Variants in TIFAB observed in about 807,000 individuals in gnomAD.
TIFAB encodes the protein TRAF-interacting protein with FHA domain-containing protein B.
For missense variants in TIFAB, 222 were observed against 203.6 expected (o/e 1.09, Z -0.55); for synonymous variants, 116 against 95.2 (o/e 1.22, Z -1.27).
At position 135,446,578 on chromosome 5, in the gene TIFAB, T is replaced by C; in HGVS notation, c.*2876A>G. 6.2e-7 allele frequency: 1 copy of C among 1,613,954 alleles called. No homozygotes were observed. The highest frequency in any genetic ancestry group is 1.1e-5 in the South Asian group (1 of 91,076). On this transcript the variant is annotated 3_prime_UTR_variant, in exon 2 of 2. Coordinates refer to ENST00000537858, the MANE Select transcript of TIFAB (RefSeq NM_001099221.2). ...GGTGCCATGGATCTGATGATTTCAG[T>C]GATTTTCTACTCAAGAAAAATGAAG...
intron 1 of TIFAB, 100 bp from the exon 2 acceptor site, chr5:135,450,049 C>T (rs1173747055): frequency 6.9e-6 from 10 of 1,448,134 alleles, no homozygotes; most frequent in Non-Finnish European, 9.3e-6. Flanking sequence ...GGCCCTGTGC[C>T]TGTTCATACA....
At position 135,446,720 on chromosome 5, in the gene TIFAB, T is replaced by C. The variant is rs910560194; in HGVS notation, c.*2734A>G. 1 of 1,613,918 alleles carries C rather than the reference T, an allele frequency of 6.2e-7. No individual in the cohort carries two copies. The highest frequency in any genetic ancestry group is 1.7e-5 in the Admixed American group (1 of 60,026). ...GAGTCTGAAACTACAAACCAGATGT[T>C]TCCGGGCTCCCTCCCGCCTGGTCTG... On this transcript the variant is annotated 3_prime_UTR_variant, in exon 2 of 2. Transcript: ENST00000537858.
chr5:135,450,179 T>C (rs1345048407), intron 1 of TIFAB, among the ~76,000 whole-genome samples: 1 of 152,248 alleles, frequency 6.6e-6, no homozygotes, highest in African/African-American at 2.4e-5. Flanking sequence ...TTTGGATTTC[T>C]GTAGTATAGA....
At chr5:135,450,069 C>A (rs996491190) in intron 1 of TIFAB, 120 bp from the exon 2 acceptor site, 20 of 1,352,356 alleles carry the variant, frequency 1.5e-5, no homozygotes, top group Non-Finnish European at 1.9e-5. Flanking sequence ...AATCACTCTG[C>A]CCAAGCCAGG....
At chr5:135,450,085 G>A in intron 1 of TIFAB, 136 bp from the exon 2 acceptor site, 1 of 1,202,694 alleles carries the variant, frequency 8.3e-7, no homozygotes, top group Non-Finnish European at 1.1e-6. Context: ...CCAGGATGGA[G>A]CCAAGGCTGG....
Position 135,449,766 on chromosome 5 carries a change from C to A in TIFAB, c.174G>T (p.Leu58=). The A allele has an allele frequency of 6.2e-7, 1 of 1,613,058 alleles. No individual in the cohort carries two copies. The highest frequency in any genetic ancestry group is 8.5e-7 in the Non-Finnish European group (1 of 1,179,164). ...CTTTCTCCAGGTAGGGCTCCAGGGA[C>A]AGGTGACGGCGGGAGAGGCGAGGGA... ...LQLPRLSRRH[L]SLEPYLEKGS... is the part of the protein sequence containing the mutation. The change falls in exon 2 of 2, where the codon CTG becomes CTT. Residue 58 remains leucine (L), a synonymous_variant. Transcript: ENST00000537858.
At position 135,449,888 on chromosome 5, in the gene TIFAB, C is replaced by T; in HGVS notation, c.52G>A (p.Gly18Ser). The T allele has an allele frequency of 1.3e-6, 2 of 1,567,428 alleles. No individual in the cohort carries two copies. Among genetic ancestry groups the T allele is most frequent in the Non-Finnish European group, 1.7e-6 (2 of 1,154,476 alleles). ...LRVSLYHPTL[G>S]PSAFANVPPR... is the part of the protein sequence containing the mutation. The stretch of plus-strand genomic sequence containing the variant: ...GGGACATTGGCAAAGGCAGATGGGC[C>T]CAGCGTGGGATGGTACAGGCTCACT... Residue 18 changes from glycine (G) to serine (S), a missense_variant, in exon 2 of 2, where the codon GGC (glycine) becomes AGC (serine). Physicochemically the swap from Gly to Ser is moderately conservative, Grantham distance 56. Transcript: ENST00000537858.
At position 135,446,572 on chromosome 5, in the gene TIFAB, T is replaced by G. The variant is rs1212224147; in HGVS notation, c.*2882A>C. The G allele has an allele frequency of 3.7e-6, 6 of 1,613,876 alleles. No homozygotes were observed. The highest frequency in any genetic ancestry group is 5.1e-6 in the Non-Finnish European group (6 of 1,179,900). On this transcript the variant is annotated 3_prime_UTR_variant, in exon 2 of 2. Coordinates refer to ENST00000537858, the MANE Select transcript of TIFAB (RefSeq NM_001099221.2). ...AAGGTGGGTGCCATGGATCTGATGA[T>G]TTCAGTGATTTTCTACTCAAGAAAA...
chr5:135,450,105 G>A (rs1176598682), intron 1 of TIFAB, among the ~76,000 whole-genome samples, 156 bp from the exon 2 acceptor site: 1 of 152,234 alleles, frequency 6.6e-6, no homozygotes, highest in Admixed American at 6.5e-5. Flanking sequence ...GAATTGGTGT[G>A]GAAGGTCATG....
rs1769314024 is a variant in TIFAB at position 135,448,695 on chromosome 5, C to T, written c.*759G>A. ...ATTTCCAGGCAGGCCCAGCTCCCAGCTCCCATCCTCAGGAAACCCTGAGCC... is the reference window on the plus strand; with the variant it reads ...ATTTCCAGGCAGGCCCAGCTCCCAGTTCCCATCCTCAGGAAACCCTGAGCC... On this transcript the variant is annotated 3_prime_UTR_variant, in exon 2 of 2. Coordinates refer to ENST00000537858, the MANE Select transcript of TIFAB (RefSeq NM_001099221.2). 6.6e-6 allele frequency: 1 copy of T among 152,198 alleles called. No individual in the cohort carries two copies. The highest frequency in any genetic ancestry group is 1.5e-5 in the Non-Finnish European group (1 of 68,070). The allele number at this position is 152,198 out of a possible 1,614,324, so 9.4% of individuals were successfully genotyped here.
Position 135,446,129 on chromosome 5 carries a change from A to G in TIFAB, c.*3325T>C. On this transcript the variant is annotated 3_prime_UTR_variant, in exon 2 of 2. Transcript: ENST00000537858. Reference sequence around the variant, plus strand: ...TGTGATGCCTCAAACTGACCTTCACAATGACTCTAAGGAGGTAAGTACTGT... The same window carrying G: ...TGTGATGCCTCAAACTGACCTTCACGATGACTCTAAGGAGGTAAGTACTGT... The G allele has an allele frequency of 2.5e-6, 1 of 395,030 alleles. No homozygotes were observed. The highest frequency in any genetic ancestry group is 4.5e-5 in the East Asian group (1 of 22,154). 24.5% of individuals were successfully genotyped at this position (395,030 alleles called of 1,614,324 possible). A position where few individuals can be genotyped will look rare whatever the true frequency, so the allele number is the denominator to read the frequency against.
At chr5:135,451,967 C>G (rs1286651830) in intron 1 of TIFAB, among the ~76,000 whole-genome samples, 1 of 152,256 alleles carries the variant, frequency 6.6e-6, no homozygotes, top group Non-Finnish European at 1.5e-5. Flanking sequence ...GCCTTACTCT[C>G]TGCTCCAACC....
At position 135,446,691 on chromosome 5, in the gene TIFAB, G is replaced by T; in HGVS notation, c.*2763C>A. 2 of 1,613,840 alleles carry T rather than the reference G, an allele frequency of 1.2e-6. No homozygotes were observed. Among genetic ancestry groups the T allele is most frequent in the Non-Finnish European group, 1.7e-6 (2 of 1,179,740 alleles). On this transcript the variant is annotated 3_prime_UTR_variant, in exon 2 of 2. Coordinates refer to ENST00000537858, the MANE Select transcript of TIFAB (RefSeq NM_001099221.2). ...GGTGAGACTGTGTGAACTGTGAACGGGTAGAGTCTGAAACTACAAACCAGA... is the reference window on the plus strand; with the variant it reads ...GGTGAGACTGTGTGAACTGTGAACGTGTAGAGTCTGAAACTACAAACCAGA...
Position 135,449,337 on chromosome 5 carries a change from C to T in TIFAB, c.*117G>A, listed in dbSNP as rs1174548961. ...CTCTAGTGGCAGGGCTAGCAGAGTG[C>T]ACTGTCTGGGGGTTCCCTCTGGAGC... is the stretch of plus-strand genomic sequence containing the variant. On this transcript the variant is annotated 3_prime_UTR_variant, in exon 2 of 2. Transcript: ENST00000537858. The T allele has an allele frequency of 2.0e-5, 28 of 1,396,486 alleles. 1 individual carries two copies. The South Asian group carries it at 3.2e-4, about 16-fold the overall frequency. 86.5% of individuals were successfully genotyped at this position (1,396,486 alleles called of 1,614,324 possible).
In TIFAB at chr5:135,449,838, G is replaced by T; in HGVS notation, c.102C>A (p.Ser34Arg). The T allele has an allele frequency of 1.2e-6, 2 of 1,604,460 alleles. No homozygotes were observed. The highest frequency in any genetic ancestry group is 8.5e-7 in the Non-Finnish European group (1 of 1,173,620). Residue 34 changes from serine to arginine, a missense_variant, in exon 2 of 2, where the codon AGC (serine) becomes AGA (arginine). Physicochemically the swap from Ser to Arg is moderately radical, Grantham distance 110. Transcript: ENST00000537858. ...CCTGCCCCCGTCCGAGAAGCAGAGGGCTGGTATCATGCTGCAGCCGTGGTG... is the reference window on the plus strand; with the variant it reads ...CCTGCCCCCGTCCGAGAAGCAGAGGTCTGGTATCATGCTGCAGCCGTGGTG... Reference protein sequence around the residue: ...NVPPRLQHDTSPLLLGRGQDA... With the variant: ...NVPPRLQHDTRPLLLGRGQDA...
chr5:135,450,702 C>T (rs184718534), intron 1 of TIFAB: 115 of 152,418 alleles, frequency 7.5e-4, no homozygotes, highest in Middle Eastern at 3.4e-3. Flanking sequence ...GACCTGCCAT[C>T]ATCTTCAACA....
In TIFAB at chr5:135,446,331, T is replaced by G. The variant is rs1175168650; in HGVS notation, c.*3123A>C. 6.4e-7 allele frequency: 1 copy of G among 1,552,692 alleles called. No homozygotes were observed. The highest frequency in any genetic ancestry group is 1.3e-5 in the South Asian group (1 of 79,910). On this transcript the variant is annotated 3_prime_UTR_variant, in exon 2 of 2. Coordinates refer to ENST00000537858, the MANE Select transcript of TIFAB (RefSeq NM_001099221.2). ...ATGTGCACTGTATGTTCGTGTTTAG[T>G]GTATGTCTGTGCATACTTGCGTGTG...
rs531353573 is a variant in TIFAB, at chr5:135,446,821, G to A, written c.*2633C>T. The stretch of plus-strand genomic sequence containing the variant: ...TCGCAGATGCTTCACTCGAAAGATT[G>A]GAGTTGCAGAGTCCCCTGTGGAGGA... On this transcript the variant is annotated 3_prime_UTR_variant, in exon 2 of 2. Transcript: ENST00000537858. 17 of 1,613,798 alleles carry A rather than the reference G, an allele frequency of 1.1e-5. No individual in the cohort carries two copies. The highest frequency in any genetic ancestry group is 1.4e-5 in the Non-Finnish European group (17 of 1,179,836).
rs1353475672 is a variant in TIFAB, at chr5:135,446,956, A to T, written c.*2498T>A. 1.9e-6 allele frequency: 3 copies of T among 1,612,928 alleles called. No homozygotes were observed. The highest frequency in any genetic ancestry group is 2.5e-6 in the Non-Finnish European group (3 of 1,179,364). The stretch of plus-strand genomic sequence containing the variant: ...GAGGGGCACTCAGGGGCAGCAGCTC[A>T]TTCCCAAAGTTCTCTGGTGGAGCTG... On this transcript the variant is annotated 3_prime_UTR_variant, in exon 2 of 2. Transcript: ENST00000537858.
Sources: gnomAD v4.1 joint callset for allele counts (sites outside exome capture counted in the v4.1 genomes callset) on GRCh38, gnomAD v4.1.1 for gene constraint, MANE v1.5 for transcripts, NCBI Gene and HGNC (gene_info 2026-07-23, HGNC 2026-07-21) for gene names.